CACNA1H: variants seen among roughly 807,000 people sequenced by gnomAD.
The protein encoded by CACNA1H is calcium voltage-gated channel subunit alpha1 H.
Under a neutral mutation model 192.5 loss-of-function variants are expected in CACNA1H, and 149 were observed. That is an observed-to-expected ratio of 0.77 (90% CI 0.68 to 0.89). The LOEUF is 0.89. Among genes scored for constraint, CACNA1H ranks in the 40% least tolerant of loss-of-function variants. The probability of loss-of-function intolerance (pLI) is 0.00; values close to 1 mark genes in which losing one functional copy is unlikely to be tolerated. For missense variants in CACNA1H, 4,257 were observed against 3,423.5 expected (o/e 1.24, Z -6.08); for synonymous variants, 2,202 against 1,475.2 (o/e 1.49, Z -11.29).
chr16:1,207,494 C>A lies in CACNA1H; in HGVS notation c.3063+64C>A. 3.3e-6 allele frequency: 5 copies of A among 1,532,388 alleles called. No individual in the cohort carries two copies. In the South Asian group the frequency reaches 3.5e-5, roughly 11 times the overall value. 94.9% of individuals were successfully genotyped at this position (1,532,388 alleles called of 1,614,324 possible). A position where few individuals can be genotyped will look rare whatever the true frequency, so the allele number is the denominator to read the frequency against. Reference sequence around the variant, plus strand: ...ATGAGAAGAGAGACGGGCTTCAGGTCGAGGGGAGGGGTGTGGGGGGCCTGC... The same window carrying A: ...ATGAGAAGAGAGACGGGCTTCAGGTAGAGGGGAGGGGTGTGGGGGGCCTGC... On this transcript the variant is annotated intron_variant, in intron 14 of 34. Coordinates refer to ENST00000348261, the MANE Select transcript of CACNA1H (RefSeq NM_021098.3).
intron 2 of CACNA1H, among the ~76,000 whole-genome samples, chr16:1,168,361 G>A (rs981234567): frequency 1.3e-5 from 2 of 152,006 alleles, no homozygotes; most frequent in South Asian, 2.1e-4. Flanking sequence ...CATGCAGTCC[G>A]ACCACCCACC....
chr16:1,194,821 G>T, intron 2 of CACNA1H, 151 bp from the exon 3 acceptor site: 1 of 623,824 alleles, frequency 1.6e-6, no homozygotes, highest in Non-Finnish European at 2.9e-6. Context: ...CAGGAGGGGC[G>T]GCCGTCGGTC....
At chr16:1,187,324 CAG>C (rs1282653398) in intron 2 of CACNA1H, among the ~76,000 whole-genome samples, 9 of 152,296 alleles carry the variant, frequency 5.9e-5, no homozygotes, top group South Asian at 4.1e-4. Context: ...GGGGTGGGTA[CAG>C]AGAGGGGAGC....
At position 1,154,051 on chromosome 16, in the gene CACNA1H, C is replaced by G. The variant is rs553478910; in HGVS notation, c.299+15C>G. ...GTCTGCAACCCATATCCTTCCCGGC[C>G]GGCGGGGGGCGGGGGGCGGGGGGCG... On this transcript the variant is annotated intron_variant, in intron 2 of 34. Coordinates refer to ENST00000348261, the MANE Select transcript of CACNA1H (RefSeq NM_021098.3). 1.6e-3 allele frequency: 1,072 copies of G among 661,430 alleles called. 20 individuals carry two copies. The African/African-American group carries it at 0.028, about 18-fold the overall frequency. The allele number at this position is 661,430 out of a possible 1,614,324, so 41.0% of individuals were successfully genotyped here.
At chr16:1,203,865 C>A (rs748230055) in intron 9 of CACNA1H, 145 bp from the exon 10 acceptor site, 6 of 612,056 alleles carry the variant, frequency 9.8e-6, no homozygotes, top group African/African-American at 1.8e-5. Context: ...CTGTGAAGTC[C>A]AGTCACAGGT....
At position 1,221,710 on chromosome 16, in the gene CACNA1H, C is replaced by T. The variant is rs1421584821; in HGVS notation, c.*716C>T. The T allele has an allele frequency of 8.1e-6, 11 of 1,354,072 alleles. No homozygotes were observed. The East Asian group carries it at 2.7e-4, about 33-fold the overall frequency. 83.9% of individuals were successfully genotyped at this position (1,354,072 alleles called of 1,614,324 possible). ...TTGCAATAATCTGATGCAGAAGACTCAGCTTCTCAAGGGAGAGGGAGGGGG... is the reference window on the plus strand; with the variant it reads ...TTGCAATAATCTGATGCAGAAGACTTAGCTTCTCAAGGGAGAGGGAGGGGG... On this transcript the variant is annotated 3_prime_UTR_variant, in exon 35 of 35. Transcript: ENST00000348261.
At position 1,187,456 on chromosome 16, in the gene CACNA1H, G is replaced by T. The variant is rs191542620; in HGVS notation, c.300-7516G>T. On this transcript the variant is annotated intron_variant, in intron 2 of 34. Coordinates refer to ENST00000348261, the MANE Select transcript of CACNA1H (RefSeq NM_021098.3). ...TCTGGGCTTCTCCTTCCTGCTGTGG[G>T]TGCCTTTCCCGCCCACACCCCTGCC... Among the ~76,000 whole-genome samples, 180 of 152,358 alleles carry T rather than the reference G, an allele frequency of 1.2e-3. 1 individual carries two copies. The highest frequency in any genetic ancestry group is 2.0e-3 in the Non-Finnish European group (136 of 68,020).
At position 1,212,527 on chromosome 16, in the gene CACNA1H, A is replaced by T; in HGVS notation, c.4776A>T (p.Pro1592=). The T allele has an allele frequency of 6.2e-7, 1 of 1,610,880 alleles. No homozygotes were observed. Among genetic ancestry groups the T allele is most frequent in the South Asian group, 1.1e-5 (1 of 90,716 alleles). ...ERRRRSTFPS[P]EAQRRPYYAD... is the part of the protein sequence containing the mutation. ...TCTTTCCAGGCACTTTCCCCAGCCC[A>T]GGTACCGGCCCTGTCCCGCATGCCT... The change falls in exon 26 of 35, where the codon CCA becomes CCT. Residue 1592 remains proline, a splice_region_variant and synonymous_variant. Coordinates refer to ENST00000348261, the MANE Select transcript of CACNA1H (RefSeq NM_021098.3).
chr16:1,182,344 C>A (rs535415159), intron 2 of CACNA1H, among the ~76,000 whole-genome samples: 157 of 152,230 alleles, frequency 1.0e-3, no homozygotes, highest in African/African-American at 3.6e-3. Context: ...ATGGAATGTT[C>A]CGGCAGCCGG....
At chr16:1,195,126 A>T (rs542893879) in intron 3 of CACNA1H, 43 bp downstream of exon 3, 6 of 720,612 alleles carry the variant, frequency 8.3e-6, no homozygotes, top group South Asian at 7.0e-5. Context: ...GTGGGTCGCT[A>T]CGAGGTTTAT....
At position 1,210,977 on chromosome 16, in the gene CACNA1H, G is replaced by A. The variant is rs1969373645; in HGVS notation, c.4223+6G>A. 1 of 1,592,310 alleles carries A rather than the reference G, an allele frequency of 6.3e-7. No individual in the cohort carries two copies. The highest frequency in any genetic ancestry group is 8.5e-7 in the Non-Finnish European group (1 of 1,174,668). On this transcript the variant is annotated splice_donor_region_variant and intron_variant, in intron 21 of 34. Transcript: ENST00000348261. Reference sequence around the variant, plus strand: ...CGGACCCTGCGGCCTCTGAGGTGGGGGGCTCCCCGTGGGCTCCCGGGGCAA... The same window carrying A: ...CGGACCCTGCGGCCTCTGAGGTGGGAGGCTCCCCGTGGGCTCCCGGGGCAA...
chr16:1,158,953 G>A (rs1288426281), intron 2 of CACNA1H, among the ~76,000 whole-genome samples: 2 of 152,202 alleles, frequency 1.3e-5, no homozygotes, highest in Admixed American at 6.5e-5. Context: ...ACCGGGCAGG[G>A]GTCTCGGGTT....
chr16:1,193,154 C>G (rs1966764649), intron 2 of CACNA1H, among the ~76,000 whole-genome samples: 1 of 152,194 alleles, frequency 6.6e-6, no homozygotes, highest in South Asian at 2.1e-4. Flanking sequence ...TGAGCTCCTC[C>G]CCGCCAGCCT....
chr16:1,190,334 A>C (rs994445355), intron 2 of CACNA1H, among the ~76,000 whole-genome samples: 1 of 152,274 alleles, frequency 6.6e-6, no homozygotes, highest in Non-Finnish European at 1.5e-5. Flanking sequence ...TGTATGATTA[A>C]GCCTCCAGAA....
chr16:1,207,969 G>A (rs750213313), intron 15 of CACNA1H, 44 bp from the exon 16 acceptor site: 3 of 1,560,516 alleles, frequency 1.9e-6, no homozygotes, highest in Non-Finnish European at 2.6e-6. Context: ...CTGGTCCTGG[G>A]AGCCTGGCAG....
At chr16:1,170,967 G>A (rs191391003) in intron 2 of CACNA1H, among the ~76,000 whole-genome samples, 39 of 152,188 alleles carry the variant, frequency 2.6e-4, no homozygotes, top group Admixed American at 2.5e-3. Context: ...TCCCCAGGGG[G>A]ACAGGTACAG....
intron 26 of CACNA1H, 79 bp downstream of exon 26, chr16:1,212,607 T>C: frequency 1.3e-6 from 2 of 1,528,592 alleles, no homozygotes; most frequent in Non-Finnish European, 8.9e-7. Flanking sequence ...CCAGGCCTGC[T>C]GGGGTCCTCC....
At chr16:1,199,419 C>T (rs1252481895) in intron 6 of CACNA1H, among the ~76,000 whole-genome samples, 3 of 35,706 alleles carry the variant, frequency 8.4e-5, no homozygotes. Context: ...GCCCCACCCC[C>T]ATCATGGCTC....
At position 1,210,576 on chromosome 16, in the gene CACNA1H, C is replaced by G. The variant is rs1317753628; in HGVS notation, c.3970-7C>G. The G allele has an allele frequency of 8.7e-6, 14 of 1,609,548 alleles. No individual in the cohort carries two copies. Among genetic ancestry groups the G allele is most frequent in the Non-Finnish European group, 1.2e-5 (14 of 1,179,782 alleles). On this transcript the variant is annotated splice_region_variant and splice_polypyrimidine_tract_variant and intron_variant, in intron 19 of 34. Transcript: ENST00000348261. ...GGACACAGCCCCCCACCGTCCTCTC[C>G]CGGCAGGAGCGGGTCTTCCTCAGCG...
Sources: allele counts gnomAD v4.1 joint callset (sites outside exome capture counted in the v4.1 genomes callset), GRCh38; gene constraint gnomAD v4.1.1; transcripts MANE v1.5; gene names NCBI Gene and HGNC (gene_info 2026-07-23, HGNC 2026-07-21).